Variants in UNC5D observed in about 807,000 individuals in gnomAD.
UNC5D encodes unc-5 netrin receptor D, also known as netrin receptor UNC5D.
UNC5D carries 39 observed loss-of-function variants against 105.4 expected under a neutral mutation model. The observed-to-expected ratio is 0.37, with a 90% CI of 0.29 to 0.48. The LOEUF is 0.48. Ranked by LOEUF, UNC5D falls within the 20% of genes least tolerant of loss-of-function variation. The probability of loss-of-function intolerance (pLI) is 0.98; values close to 1 mark genes in which losing one functional copy is unlikely to be tolerated. For synonymous variants in UNC5D, 452 were observed against 450.4 expected, an observed-to-expected ratio of 1.00 and a Z score of -0.04; for missense variants, 991 against 1,202.4, an observed-to-expected ratio of 0.82 and a Z score of 2.60.
chr8:35,635,654 G>A (rs989854204), intron 4 of UNC5D, among the ~76,000 whole-genome samples: 4 of 152,056 alleles, frequency 2.6e-5, no homozygotes, highest in African/African-American at 9.7e-5. Flanking sequence ...TGTAGTAAAG[G>A]GTTCTTCTGT....
intron 1 of UNC5D, among the ~76,000 whole-genome samples, chr8:35,307,974 T>C (rs1167077729): frequency 5.3e-5 from 8 of 152,174 alleles, no homozygotes; most frequent in Admixed American, 6.6e-5. Flanking sequence ...AGGCCTGTGA[T>C]AATCGACTTC....
intron 1 of UNC5D, among the ~76,000 whole-genome samples, chr8:35,454,547 G>A (rs1218236554): frequency 1.3e-5 from 2 of 152,096 alleles, no homozygotes; most frequent in Non-Finnish European, 1.5e-5. Flanking sequence ...GTTCTGAGAT[G>A]AGTCTGCATA....
rs1479323692 is a variant in UNC5D, at chr8:35,790,693, G to T, written c.*130G>T. ...CATTTATAATCAGTGAGATTCCCCT[G>T]TTGAAGAAACTAAATTTTATATAGG... On this transcript the variant is annotated 3_prime_UTR_variant, in exon 17 of 17. Transcript: ENST00000404895. The T allele has an allele frequency of 2.0e-6, 2 of 1,018,416 alleles. No individual in the cohort carries two copies. Among genetic ancestry groups the T allele is most frequent in the South Asian group, 1.5e-5 (1 of 65,444 alleles). The allele number at this position is 1,018,416 out of a possible 1,614,324, so 63.1% of individuals were successfully genotyped here. A position where few individuals can be genotyped will look rare whatever the true frequency, so the allele number is the denominator to read the frequency against.
chr8:35,451,208 T>A (rs1182831773), intron 1 of UNC5D, among the ~76,000 whole-genome samples: 1 of 152,070 alleles, frequency 6.6e-6, no homozygotes. Context: ...CATGCTCGGC[T>A]AATTTTGTAT....
At chr8:35,249,631 T>A (rs905168221) in intron 1 of UNC5D, among the ~76,000 whole-genome samples, 1 of 151,484 alleles carries the variant, frequency 6.6e-6, no homozygotes, top group African/African-American at 2.4e-5. Context: ...TTCGGTTGCT[T>A]CTTCTCATGC....
chr8:35,652,397 TA>T (rs146265416), intron 4 of UNC5D, among the ~76,000 whole-genome samples: 1,874 of 152,286 alleles, frequency 0.012, 50 homozygotes, highest in African/African-American at 0.043. Context: ...ATATTACTCA[TA>T]GAAAATGAGG....
At chr8:35,311,414 G>T (rs1808874480) in intron 1 of UNC5D, among the ~76,000 whole-genome samples, 2 of 152,124 alleles carry the variant, frequency 1.3e-5, no homozygotes, top group African/African-American at 4.8e-5. Context: ...CCTGGGTTTT[G>T]TGCGAGCTTG....
Position 35,726,255 on chromosome 8 carries a change from G to A in UNC5D, c.1407G>A (p.Met469Ile). ...AGGACCCTCTGGACAAGGAGCTCAT[G>A]ACAGAGTCCTCACTCTTTAACCCTT... is the stretch of plus-strand genomic sequence containing the variant. ...CLQDPLDKEL[M>I]TESSLFNPLS... Residue 469 changes from methionine to isoleucine, a missense_variant, in exon 10 of 17, where the codon ATG becomes ATA. Physicochemically the swap from Met to Ile is conservative, Grantham distance 10 (BLOSUM62 1). This residue lies in a region of UNC5D where 944 missense variants were observed against 1,131.6 expected (regional missense o/e 0.83). Transcript: ENST00000404895. The A allele has an allele frequency of 6.2e-7, 1 of 1,614,126 alleles. No homozygotes were observed. Among genetic ancestry groups the A allele is most frequent in the Non-Finnish European group, 8.5e-7 (1 of 1,180,002 alleles).
chr8:35,421,515 CTT>C (rs1639349178), intron 1 of UNC5D, among the ~76,000 whole-genome samples: 3 of 152,134 alleles, frequency 2.0e-5, no homozygotes, highest in African/African-American at 7.2e-5. Flanking sequence ...TTTTTAGAGA[CTT>C]TTAAATTTTA....
intron 16 of UNC5D, among the ~76,000 whole-genome samples, chr8:35,778,982 C>G (rs890177198): frequency 3.3e-5 from 5 of 152,194 alleles, no homozygotes; most frequent in Admixed American, 3.3e-4. Flanking sequence ...GCTTGCCTGG[C>G]ATATGGATCA....
intron 16 of UNC5D, among the ~76,000 whole-genome samples, chr8:35,784,124 T>C (rs1341296705): frequency 2.0e-5 from 3 of 152,112 alleles, no homozygotes; most frequent in Admixed American, 1.3e-4. Flanking sequence ...GGGCTTTTAA[T>C]TGAAGCCAAG....
chr8:35,587,784 G>A (rs1409753702), intron 3 of UNC5D, among the ~76,000 whole-genome samples: 3 of 151,856 alleles, frequency 2.0e-5, no homozygotes, highest in African/African-American at 4.8e-5. Flanking sequence ...CAACTCAGAA[G>A]AAAGGGATCT....
At chr8:35,467,572 CAAA>C (rs769649743) in intron 1 of UNC5D, among the ~76,000 whole-genome samples, 5 of 42,516 alleles carry the variant, frequency 1.2e-4, no homozygotes, top group East Asian at 7.1e-4. Flanking sequence ...CTATGACAGG[CAAA>C]AAAAAAAAAA....
At chr8:35,781,365 A>G (rs1802494499) in intron 16 of UNC5D, among the ~76,000 whole-genome samples, 2 of 152,158 alleles carry the variant, frequency 1.3e-5, no homozygotes, top group Non-Finnish European at 2.9e-5. Flanking sequence ...CTCCAAGAGA[A>G]CTAAAGTTAT....
chr8:35,243,745 G>T (rs1477427812), intron 1 of UNC5D, among the ~76,000 whole-genome samples: 1 of 152,136 alleles, frequency 6.6e-6, no homozygotes, highest in Non-Finnish European at 1.5e-5. Context: ...TGGTGTGGAG[G>T]TTGTGTCAGG....
Position 35,750,536 on chromosome 8 carries a change from C to T in UNC5D, c.1936-46C>T, listed in dbSNP as rs189096583. On this transcript the variant is annotated intron_variant, in intron 12 of 16. Transcript: ENST00000404895. ...TGTCCTGGCAATATAAAGGTTAGAT[C>T]ACATCTTATTTCCAAGTGAGAGAAT... 85 of 1,578,758 alleles carry T rather than the reference C, an allele frequency of 5.4e-5. 1 individual carries two copies. In the African/African-American group the frequency reaches 9.8e-4, roughly 18 times the overall value.
chr8:35,446,654 G>A (rs1001994713), intron 1 of UNC5D, among the ~76,000 whole-genome samples: 6 of 151,986 alleles, frequency 3.9e-5, no homozygotes, highest in Admixed American at 2.6e-4. Flanking sequence ...TTTTAATGAA[G>A]GTTTCAGTTT....
In UNC5D at chr8:35,439,447, G is replaced by A. The variant is rs369563942; in HGVS notation, c.104-109845G>A. Among the ~76,000 whole-genome samples the A allele has an allele frequency of 7.2e-5, 11 of 152,132 alleles. 1 individual carries two copies. Among genetic ancestry groups the A allele is most frequent in the South Asian group, 4.1e-4 (2 of 4,826 alleles). ...AATGAACAAGCTGCATAAACATTTC[G>A]TGCCATTCTTCCCAAATCAACCCAT... On this transcript the variant is annotated intron_variant, in intron 1 of 16. Transcript: ENST00000404895.
chr8:35,672,110 G>A (rs186509704), intron 4 of UNC5D, among the ~76,000 whole-genome samples: 11 of 152,124 alleles, frequency 7.2e-5, no homozygotes, highest in Admixed American at 3.3e-4. Flanking sequence ...TGTATGATAC[G>A]TGTCTGTGTA....
Sources: allele counts gnomAD v4.1 joint callset (sites outside exome capture counted in the v4.1 genomes callset), GRCh38; gene constraint gnomAD v4.1.1; regional missense constraint gnomAD v4.1.1; transcripts MANE v1.5; gene names NCBI Gene and HGNC (gene_info 2026-07-23, HGNC 2026-07-21).